Variants in PPIP5K2 observed in about 807,000 individuals in gnomAD.
The protein encoded by PPIP5K2 is inositol hexakisphosphate and diphosphoinositol-pentakisphosphate kinase 2.
Under a neutral mutation model 154.6 loss-of-function variants are expected in PPIP5K2, and 105 were observed. The observed-to-expected ratio is 0.68, with a 90% CI of 0.58 to 0.80. The LOEUF (loss-of-function observed/expected upper bound fraction) is 0.80, where lower values mean the gene tolerates loss of function less well. PPIP5K2 is among the 30% of genes least tolerant of loss of function. PPIP5K2 has a pLI of 0.00. For missense variants in PPIP5K2, 992 were observed against 1,504.6 expected (o/e 0.66, Z 5.64); for synonymous variants, 480 against 490.3 (o/e 0.98, Z 0.28).
chr5:103,153,384 T>C (rs1794935790), intron 10 of PPIP5K2, among the ~76,000 whole-genome samples: 1 of 151,890 alleles, frequency 6.6e-6, no homozygotes, highest in Non-Finnish European at 1.5e-5. Flanking sequence ...GCTTCTAAGA[T>C]GATTTTATCT....
intron 5 of PPIP5K2, among the ~76,000 whole-genome samples, chr5:103,145,787 A>G (rs886716013): frequency 6.6e-6 from 1 of 152,066 alleles, no homozygotes; most frequent in African/African-American, 2.4e-5. Flanking sequence ...CAACACAGAT[A>G]GAATAAATAA....
intron 2 of PPIP5K2, among the ~76,000 whole-genome samples, chr5:103,130,666 G>C (rs1554202376): frequency 6.6e-6 from 1 of 152,094 alleles, no homozygotes; most frequent in African/African-American, 2.4e-5. Flanking sequence ...TTTCAGGCAG[G>C]CTTCTCTTAC....
intron 7 of PPIP5K2, among the ~76,000 whole-genome samples, chr5:103,148,837 T>C (rs1794146014): frequency 6.6e-6 from 1 of 152,072 alleles, no homozygotes; most frequent in African/African-American, 2.4e-5. Context: ...TATTTGCATC[T>C]CTCATTTGTT....
In PPIP5K2 at chr5:103,129,287, T is replaced by A. The variant is rs1790232625; in HGVS notation, c.-284-19T>A. The A allele has an allele frequency of 5.8e-6, 1 of 172,920 alleles. No individual in the cohort carries two copies. Among genetic ancestry groups the A allele is most frequent in the African/African-American group, 2.4e-5 (1 of 42,244 alleles). The allele number at this position is 172,920 out of a possible 1,614,324, so 10.7% of individuals were successfully genotyped here. A position where few individuals can be genotyped will look rare whatever the true frequency, so the allele number is the denominator to read the frequency against. ...TTTGGAGTGCACTCTCCAAAATTAGTTTTTTCATTGCATTTTAGGTAAGAA... is the reference window on the plus strand; with the variant it reads ...TTTGGAGTGCACTCTCCAAAATTAGATTTTTCATTGCATTTTAGGTAAGAA... On this transcript the variant is annotated intron_variant, in intron 1 of 30. Transcript: ENST00000358359.
Position 103,205,298 on chromosome 5 carries a change from A to T in PPIP5K2, c.*3664A>T, listed in dbSNP as rs1554232023. ...TTGCTATTGTGAATAGTGCCACAATAAACATACGTGTGCATGTGTCTTTAT... is the reference window on the plus strand; with the variant it reads ...TTGCTATTGTGAATAGTGCCACAATTAACATACGTGTGCATGTGTCTTTAT... On this transcript the variant is annotated 3_prime_UTR_variant, in exon 31 of 31. Transcript: ENST00000358359. 1 of 152,204 alleles carries T rather than the reference A, an allele frequency of 6.6e-6. No homozygotes were observed. Among genetic ancestry groups the T allele is most frequent in the Non-Finnish European group, 1.5e-5 (1 of 68,036 alleles). The allele number at this position is 152,204 out of a possible 1,614,324, so 9.4% of individuals were successfully genotyped here. A position where few individuals can be genotyped will look rare whatever the true frequency, so the allele number is the denominator to read the frequency against.
rs782706281 is a variant in PPIP5K2, at chr5:103,183,263, A to G, written c.2952A>G (p.Pro984=). Residue 984 remains proline, a synonymous_variant, in exon 25 of 31, where the codon CCA becomes CCG. Transcript: ENST00000358359. ...DEESPLSVSS[P]EGTGTWLHYT... is the part of the protein sequence containing the mutation. ...AGAGCCCCCTGAGTGTGTCTAGCCCAGAGGGTACTGGTACCTGGCTGCATT... is the reference window on the plus strand; with the variant it reads ...AGAGCCCCCTGAGTGTGTCTAGCCCGGAGGGTACTGGTACCTGGCTGCATT... The G allele has an allele frequency of 1.1e-5, 15 of 1,360,310 alleles. No individual in the cohort carries two copies. In the Middle Eastern group the frequency reaches 2.1e-3, roughly 193 times the overall value. 84.3% of individuals were successfully genotyped at this position (1,360,310 alleles called of 1,614,324 possible).
intron 26 of PPIP5K2, among the ~76,000 whole-genome samples, chr5:103,185,820 A>G (rs1424881132): frequency 1.3e-5 from 2 of 152,226 alleles, no homozygotes; most frequent in Middle Eastern, 3.4e-3. Flanking sequence ...ACTTTATTTC[A>G]TAAGAAAGAG....
rs1803654591 is a variant in PPIP5K2 at position 103,208,876 on chromosome 5, G to C, written c.*7242G>C. Reference sequence around the variant, plus strand: ...TCTAGTTTTGTTGAAGATAGTTTATGTTTCTCTTCATATTTGATGATAATT... The same window carrying C: ...TCTAGTTTTGTTGAAGATAGTTTATCTTTCTCTTCATATTTGATGATAATT... On this transcript the variant is annotated 3_prime_UTR_variant, in exon 31 of 31. Coordinates refer to ENST00000358359, the MANE Select transcript of PPIP5K2 (RefSeq NM_001276277.3). 6.6e-6 allele frequency: 1 copy of C among 152,034 alleles called. No individual in the cohort carries two copies. Among genetic ancestry groups the C allele is most frequent in the South Asian group, 2.1e-4 (1 of 4,826 alleles). 9.4% of individuals were successfully genotyped at this position (152,034 alleles called of 1,614,324 possible).
intron 5 of PPIP5K2, 95 bp from the exon 6 acceptor site, chr5:103,146,432 T>C (rs1459458186): frequency 7.8e-7 from 1 of 1,282,944 alleles, no homozygotes; most frequent in Non-Finnish European, 1.1e-6. Flanking sequence ...TTTTCTTTTA[T>C]GGTCTTTTAG....
intron 17 of PPIP5K2, among the ~76,000 whole-genome samples, chr5:103,164,062 C>T (rs1461932873): frequency 6.6e-5 from 10 of 151,676 alleles, no homozygotes; most frequent in Admixed American, 2.0e-4. Flanking sequence ...ATGGTAAATC[C>T]TGTGGGTGTT....
Position 103,208,964 on chromosome 5 carries a change from A to G in PPIP5K2, c.*7330A>G, listed in dbSNP as rs558034697. The G allele has an allele frequency of 1.3e-5, 2 of 152,302 alleles. No homozygotes were observed. Among genetic ancestry groups the G allele is most frequent in the African/African-American group, 4.8e-5 (2 of 41,560 alleles). The allele number at this position is 152,302 out of a possible 1,614,324, so 9.4% of individuals were successfully genotyped here. Reference sequence around the variant, plus strand: ...CTGGATATCATTTCTTTTGTGGTTAATATTCTTTGACAAGAAGGAAGAGGA... The same window carrying G: ...CTGGATATCATTTCTTTTGTGGTTAGTATTCTTTGACAAGAAGGAAGAGGA... On this transcript the variant is annotated 3_prime_UTR_variant, in exon 31 of 31. Coordinates refer to ENST00000358359, the MANE Select transcript of PPIP5K2 (RefSeq NM_001276277.3).
At chr5:103,166,134 CAGA>C (rs1554217783) in intron 17 of PPIP5K2, among the ~76,000 whole-genome samples, 3 of 152,058 alleles carry the variant, frequency 2.0e-5, no homozygotes, top group African/African-American at 7.2e-5. Context: ...CCAGTCAAAG[CAGA>C]AGCAGACTGG....
At chr5:103,149,105 C>T (rs892138977) in intron 7 of PPIP5K2, 47 bp from the exon 8 acceptor site, 10 of 1,394,596 alleles carry the variant, frequency 7.2e-6, no homozygotes, top group South Asian at 1.5e-5. Flanking sequence ...CACACACACA[C>T]ACACATACAT....
chr5:103,154,935 A>G lies in PPIP5K2; in HGVS notation c.1395A>G (p.Val465=), dbSNP rs1253418143. ...CAAAACTTGAACAACTTAAGACTGT[A>G]TTAGAGATGTGAGTATCTTTTTGAA... ...NKPKLEQLKT[V]LEMYGHFSGI... Residue 465 remains valine (V), a synonymous_variant, in exon 13 of 31, where the codon GTA becomes GTG. Coordinates refer to ENST00000358359, the MANE Select transcript of PPIP5K2 (RefSeq NM_001276277.3). The G allele has an allele frequency of 1.3e-6, 2 of 1,566,196 alleles. No homozygotes were observed. The highest frequency in any genetic ancestry group is 1.4e-5 in the African/African-American group (1 of 72,992).
At chr5:103,122,179 GTTC>G (rs1562349401) in intron 1 of PPIP5K2, among the ~76,000 whole-genome samples, 2 of 152,124 alleles carry the variant, frequency 1.3e-5, no homozygotes, top group African/African-American at 4.8e-5. Flanking sequence ...TTAACAAACT[GTTC>G]TTTCAACTTT....
At chr5:103,193,491 G>A (rs75393229) in intron 29 of PPIP5K2, among the ~76,000 whole-genome samples, 4,755 of 151,784 alleles carry the variant, frequency 0.031, 256 homozygotes, top group African/African-American at 0.11. Flanking sequence ...AGCTTACAAT[G>A]GGGAAGTGAC....
chr5:103,190,556 TC>T (rs1801070509), intron 28 of PPIP5K2, among the ~76,000 whole-genome samples: 1 of 151,954 alleles, frequency 6.6e-6, no homozygotes, highest in South Asian at 2.1e-4. Flanking sequence ...TGTTTTTTTT[TC>T]CCTAGGTTTT....
chr5:103,168,004 A>T, intron 18 of PPIP5K2, 68 bp from the exon 19 acceptor site: 1 of 1,009,146 alleles, frequency 9.9e-7, no homozygotes, highest in Non-Finnish European at 1.5e-6. Flanking sequence ...TCTAATTATT[A>T]ACATATTAAT....
intron 28 of PPIP5K2, 72 bp from the exon 29 acceptor site, chr5:103,190,770 T>A: frequency 7.2e-7 from 1 of 1,380,266 alleles, no homozygotes; most frequent in South Asian, 1.5e-5. Context: ...TAAGCAGTAG[T>A]CTTCCTTTCT....
Sources: gnomAD v4.1 joint callset for allele counts (sites outside exome capture counted in the v4.1 genomes callset) on GRCh38, gnomAD v4.1.1 for gene constraint, MANE v1.5 for transcripts, NCBI Gene and HGNC (gene_info 2026-07-23, HGNC 2026-07-21) for gene names.